The following FOXP1 variants were observed in gnomAD, a reference collection of about 807,000 sequenced individuals.
FOXP1 encodes forkhead box P1.
Under a neutral mutation model 98.2 loss-of-function variants are expected in FOXP1, and 15 were observed. The ratio of observed to expected loss-of-function variants is 0.15; its 90% CI spans 0.10 to 0.24. The LOEUF (loss-of-function observed/expected upper bound fraction) is 0.24, where lower values mean the gene tolerates loss of function less well. Among genes scored for constraint, FOXP1 ranks in the 10% least tolerant of loss-of-function variants. FOXP1 has a pLI of 1.00. For missense variants in FOXP1, 633 were observed against 848.5 expected, an observed-to-expected ratio of 0.75 and a Z score of 3.15; for synonymous variants, 371 against 314.5, an observed-to-expected ratio of 1.18 and a Z score of -1.90.
chr3:71,024,067 GAA>G lies in FOXP1; in HGVS notation c.870-8416_870-8415del, dbSNP rs563737315. 2.0e-4 allele frequency among the ~76,000 whole-genome samples: 30 copies of G among 152,198 alleles called. No individual in the cohort carries two copies. The South Asian group carries it at 6.2e-3, about 32-fold the overall frequency. On this transcript the variant is annotated intron_variant, in intron 11 of 20. Transcript: ENST00000649528. Reference sequence around the variant, plus strand: ...AATCAGCTGGAAATCAGCTGGAAAAGAAATCACAATCTCTTGCAGAAAACAGA... The same window carrying G: ...AATCAGCTGGAAATCAGCTGGAAAAGATCACAATCTCTTGCAGAAAACAGA...
intron 2 of FOXP1, among the ~76,000 whole-genome samples, chr3:71,532,001 A>G (rs2043890403): frequency 6.6e-6 from 1 of 152,218 alleles, no homozygotes; most frequent in Non-Finnish European, 1.5e-5. Context: ...ACTTATTTCA[A>G]TGAAATCTCA....
chr3:71,002,964 G>C (rs941210873), intron 12 of FOXP1, among the ~76,000 whole-genome samples: 4 of 152,102 alleles, frequency 2.6e-5, no homozygotes, highest in Admixed American at 2.0e-4. Flanking sequence ...AGGACCCAGT[G>C]GACTCCCTGA....
intron 2 of FOXP1, among the ~76,000 whole-genome samples, chr3:71,580,239 A>AG (rs2048056113): frequency 1.3e-5 from 2 of 150,774 alleles, no homozygotes; most frequent in Non-Finnish European, 3.0e-5. Flanking sequence ...CCAAAGTCTA[A>AG]GGGGGGTGGG....
chr3:71,162,103 C>T (rs763685764), intron 6 of FOXP1, among the ~76,000 whole-genome samples: 2 of 152,234 alleles, frequency 1.3e-5, no homozygotes, highest in Non-Finnish European at 2.9e-5. Context: ...TCGAAGTAGA[C>T]ACCAAGCATA....
intron 3 of FOXP1, among the ~76,000 whole-genome samples, chr3:71,363,959 T>C (rs768558658): frequency 5.3e-5 from 8 of 152,180 alleles, no homozygotes; most frequent in Non-Finnish European, 1.2e-4. Flanking sequence ...AGTCACTGGA[T>C]GGAATTCGCC....
chr3:71,440,968 T>C (rs866111593), intron 3 of FOXP1, among the ~76,000 whole-genome samples: 5 of 152,192 alleles, frequency 3.3e-5, no homozygotes, highest in Admixed American at 1.3e-4. Context: ...AAACTGGTAT[T>C]AAATGGAAAG....
intron 2 of FOXP1, among the ~76,000 whole-genome samples, chr3:71,536,302 G>A (rs768080658): frequency 6.6e-6 from 1 of 152,052 alleles, no homozygotes; most frequent in Non-Finnish European, 1.5e-5. Context: ...TAATTTACTT[G>A]TGACCCACGA....
chr3:71,354,797 C>A (rs750414477), intron 4 of FOXP1, among the ~76,000 whole-genome samples: 1 of 152,184 alleles, frequency 6.6e-6, no homozygotes, highest in Non-Finnish European at 1.5e-5. Context: ...GTGCTTTATA[C>A]GTACCATCTA....
intron 6 of FOXP1, among the ~76,000 whole-genome samples, chr3:71,117,566 G>T (rs2058463063): frequency 6.6e-6 from 1 of 151,964 alleles, no homozygotes; most frequent in African/African-American, 2.4e-5. Context: ...GAGAGAGAAG[G>T]GTGAAAAAGG....
In FOXP1 at chr3:70,966,360, T is replaced by A. The variant is rs1475152995; in HGVS notation, c.1723-304A>T. On this transcript the variant is annotated intron_variant, in intron 19 of 20. Coordinates refer to ENST00000649528, the MANE Select transcript of FOXP1 (RefSeq NM_001349338.3). ...CGGGCTTTCGAATATGAGGTTTATG[T>A]CGGATGCGTTTTTAAGAGGAGCTGA... 7 of 401,854 alleles carry A rather than the reference T, an allele frequency of 1.7e-5. No homozygotes were observed. In the East Asian group the frequency reaches 3.2e-4, roughly 19 times the overall value. The allele number at this position is 401,854 out of a possible 1,614,324, so 24.9% of individuals were successfully genotyped here. A position where few individuals can be genotyped will look rare whatever the true frequency, so the allele number is the denominator to read the frequency against.
At chr3:71,396,988 A>G (rs1187127236) in intron 3 of FOXP1, among the ~76,000 whole-genome samples, 1 of 79,130 alleles carries the variant, frequency 1.3e-5, no homozygotes, top group Non-Finnish European at 2.4e-5. Flanking sequence ...ATATGTGTAT[A>G]TATATACACA....
chr3:71,237,861 T>C (rs1000265180), intron 5 of FOXP1, among the ~76,000 whole-genome samples: 15 of 152,176 alleles, frequency 9.9e-5, no homozygotes, highest in Non-Finnish European at 1.8e-4. Flanking sequence ...CACAGCATTC[T>C]CCTCCCCCAG....
intron 11 of FOXP1, among the ~76,000 whole-genome samples, chr3:71,032,924 T>C (rs2047066748): frequency 6.6e-6 from 1 of 152,140 alleles, no homozygotes; most frequent in African/African-American, 2.4e-5. Flanking sequence ...GGTTTCAATA[T>C]CCATCAAAGA....
intron 5 of FOXP1, among the ~76,000 whole-genome samples, chr3:71,198,650 C>T (rs2063463409): frequency 2.0e-5 from 3 of 152,020 alleles, no homozygotes; most frequent in Admixed American, 1.3e-4. Context: ...CTTAGAAAAA[C>T]TAGTATTTGT....
chr3:71,234,154 A>G lies in FOXP1; in HGVS notation c.-11-35762T>C, dbSNP rs1018139518. ...AAATCGCTTTTACATGTTTAATATT[A>G]TAAGTAAAAAAAAAAAATAAGAAAA... On this transcript the variant is annotated intron_variant, in intron 5 of 20. Coordinates refer to ENST00000649528, the MANE Select transcript of FOXP1 (RefSeq NM_001349338.3). 5.1e-5 allele frequency among the ~76,000 whole-genome samples: 5 copies of G among 98,814 alleles called. No homozygotes were observed. In the South Asian group the frequency reaches 1.7e-3, roughly 33 times the overall value. 64.8% of individuals were successfully genotyped at this position (98,814 alleles called of 152,430 possible).
At chr3:71,054,765 A>G (rs1393088068) in intron 7 of FOXP1, among the ~76,000 whole-genome samples, 17 of 152,258 alleles carry the variant, frequency 1.1e-4, no homozygotes. Flanking sequence ...AGATAAGGAA[A>G]GAAAAAACAA....
chr3:71,508,694 A>G (rs183108900), intron 2 of FOXP1, among the ~76,000 whole-genome samples: 2 of 152,288 alleles, frequency 1.3e-5, no homozygotes, highest in East Asian at 1.9e-4. Context: ...ATGTGTCCCA[A>G]TATCTTTTAA....
At chr3:71,547,738 A>C (rs940716091) in intron 2 of FOXP1, among the ~76,000 whole-genome samples, 9 of 152,238 alleles carry the variant, frequency 5.9e-5, no homozygotes, top group African/African-American at 1.9e-4. Flanking sequence ...ACTTATCAGT[A>C]GCAACCCTAT....
intron 5 of FOXP1, among the ~76,000 whole-genome samples, chr3:71,262,023 T>G (rs902061071): frequency 2.0e-5 from 3 of 151,868 alleles, no homozygotes; most frequent in African/African-American, 7.3e-5. Context: ...ATCCTAGCAT[T>G]TTGGGAGGCC....
Sources: allele counts gnomAD v4.1 joint callset (sites outside exome capture counted in the v4.1 genomes callset), GRCh38; gene constraint gnomAD v4.1.1; transcripts MANE v1.5; gene names NCBI Gene and HGNC (gene_info 2026-07-23, HGNC 2026-07-21).